SYT1: variants seen among roughly 807,000 people sequenced by gnomAD.
SYT1 encodes the protein synaptotagmin 1, also known as synaptotagmin-1.
SYT1 carries 8 observed loss-of-function variants against 44.8 expected under a neutral mutation model. The observed-to-expected ratio is 0.18, with a 90% CI of 0.10 to 0.32. The LOEUF is 0.32. SYT1 is among the 10% of genes least tolerant of loss of function. The pLI is 1.00. For missense variants in SYT1, 286 were observed against 509.3 expected (o/e 0.56, Z 4.22); for synonymous variants, 154 against 188.8 (o/e 0.82, Z 1.51).
chr12:79,215,867 A>G (rs930790573), intron 3 of SYT1, among the ~76,000 whole-genome samples: 1 of 148,954 alleles, frequency 6.7e-6, no homozygotes, highest in African/African-American at 2.5e-5. Flanking sequence ...TTGTACTTTC[A>G]CTAAATATGT....
intron 4 of SYT1, among the ~76,000 whole-genome samples, chr12:79,246,972 GT>G (rs1429650201): frequency 6.6e-6 from 1 of 152,194 alleles, no homozygotes; most frequent in Non-Finnish European, 1.5e-5. Flanking sequence ...TATTGGGGGT[GT>G]TAGATGGATA....
chr12:79,327,130 C>T (rs933644117), intron 8 of SYT1, among the ~76,000 whole-genome samples: 27 of 151,910 alleles, frequency 1.8e-4, no homozygotes, highest in African/African-American at 5.8e-4. Context: ...ATTTAGGCAA[C>T]ATCCCATAGT....
intron 2 of SYT1, among the ~76,000 whole-genome samples, chr12:78,984,891 C>A (rs1263492117): frequency 1.3e-5 from 2 of 151,736 alleles, no homozygotes; most frequent in Non-Finnish European, 2.9e-5. Flanking sequence ...AAAGAATTAA[C>A]AGGAAGGTGG....
intron 7 of SYT1, 108 bp from the exon 8 acceptor site, chr12:79,299,276 C>T: frequency 8.0e-7 from 1 of 1,243,964 alleles, no homozygotes. Flanking sequence ...AAAATTATCT[C>T]CCTGTTCTGT....
chr12:79,422,059 C>T (rs1399019774), intron 9 of SYT1, among the ~76,000 whole-genome samples: 5 of 152,050 alleles, frequency 3.3e-5, no homozygotes, highest in African/African-American at 4.8e-5. Flanking sequence ...AGCCATTCCT[C>T]GAGGCCGGTA....
intron 3 of SYT1, among the ~76,000 whole-genome samples, chr12:79,174,410 A>G (rs1284503697): frequency 1.2e-5 from 1 of 84,676 alleles, no homozygotes; most frequent in East Asian, 2.4e-4. Context: ...TCCTGTCCTT[A>G]TAGAAAAAAT....
At chr12:78,987,747 C>A (rs769271448) in intron 2 of SYT1, among the ~76,000 whole-genome samples, 2 of 152,026 alleles carry the variant, frequency 1.3e-5, no homozygotes, top group Admixed American at 6.6e-5. Flanking sequence ...GAATTTTACT[C>A]AACATTTAAA....
At chr12:79,138,853 T>C (rs977817902) in intron 3 of SYT1, among the ~76,000 whole-genome samples, 4 of 152,196 alleles carry the variant, frequency 2.6e-5, no homozygotes, top group African/African-American at 9.7e-5. Context: ...GAGGCAAGTG[T>C]GCCACTTGCC....
intron 1 of SYT1, among the ~76,000 whole-genome samples, chr12:78,886,438 G>T (rs1874756605): frequency 6.6e-6 from 1 of 151,968 alleles, no homozygotes; most frequent in Admixed American, 6.6e-5. Flanking sequence ...GATACCTACT[G>T]TGCTGAAGGC....
chr12:79,419,996 G>A (rs1869004704), intron 9 of SYT1, among the ~76,000 whole-genome samples: 1 of 152,068 alleles, frequency 6.6e-6, no homozygotes, highest in Non-Finnish European at 1.5e-5. Flanking sequence ...GGATGTATCT[G>A]TGTTGATTAA....
intron 3 of SYT1, among the ~76,000 whole-genome samples, chr12:79,189,864 A>C (rs1446777188): frequency 3.3e-5 from 5 of 152,208 alleles, no homozygotes; most frequent in Non-Finnish European, 7.3e-5. Context: ...AGATCGTGCC[A>C]CTGCACTCCA....
intron 1 of SYT1, among the ~76,000 whole-genome samples, chr12:78,929,634 A>G (rs1010428650): frequency 8.5e-5 from 13 of 152,074 alleles, no homozygotes; most frequent in African/African-American, 3.1e-4. Context: ...ATGTAATGGA[A>G]AGTTGTGGAG....
chr12:79,428,968 G>T (rs564986851), intron 9 of SYT1, among the ~76,000 whole-genome samples: 1 of 152,266 alleles, frequency 6.6e-6, no homozygotes, highest in African/African-American at 2.4e-5. Context: ...GTGCAAGAGA[G>T]AGAGTGGGAG....
chr12:78,903,875 A>G (rs1189517758), intron 1 of SYT1, among the ~76,000 whole-genome samples: 4 of 152,038 alleles, frequency 2.6e-5, no homozygotes, highest in Admixed American at 2.0e-4. Flanking sequence ...TTTTATAAAA[A>G]GAAATTTTTG....
Position 79,000,736 on chromosome 12 carries a change from T to A in SYT1, c.-84+22805T>A, listed in dbSNP as rs188558521. ...CCTTAGTCATTCATACACATTATTC[T>A]GGGGCCAAAGGGTTCCAATCAGTAT... On this transcript the variant is annotated intron_variant, in intron 2 of 10. Transcript: ENST00000261205. Among the ~76,000 whole-genome samples the A allele has an allele frequency of 1.4e-4, 21 of 152,296 alleles. No homozygotes were observed. The East Asian group carries it at 3.9e-3, about 28-fold the overall frequency.
chr12:78,982,034 TAGC>T (rs1488422924), intron 2 of SYT1, among the ~76,000 whole-genome samples: 1 of 152,126 alleles, frequency 6.6e-6, no homozygotes, highest in Non-Finnish European at 1.5e-5. Flanking sequence ...AAGGAGGTCT[TAGC>T]AGCCCTAAGC....
chr12:79,260,834 A>G (rs1013428758), intron 4 of SYT1, among the ~76,000 whole-genome samples: 1 of 152,122 alleles, frequency 6.6e-6, no homozygotes, highest in African/African-American at 2.4e-5. Context: ...TTGGGTCTCA[A>G]GCCATTCTGT....
chr12:79,088,200 A>C (rs1319673122), intron 3 of SYT1, among the ~76,000 whole-genome samples: 1 of 152,060 alleles, frequency 6.6e-6, no homozygotes, highest in Non-Finnish European at 1.5e-5. Context: ...ACTGGTTATT[A>C]ATTAGTTATT....
chr12:79,073,123 G>T (rs964458669), intron 3 of SYT1, among the ~76,000 whole-genome samples: 9 of 151,838 alleles, frequency 5.9e-5, no homozygotes, highest in African/African-American at 2.2e-4. Flanking sequence ...TTTAAAAAAA[G>T]ACAAGGTCTC....
Sources: allele counts gnomAD v4.1 joint callset (sites outside exome capture counted in the v4.1 genomes callset), GRCh38; gene constraint gnomAD v4.1.1; transcripts MANE v1.5; gene names NCBI Gene and HGNC (gene_info 2026-07-23, HGNC 2026-07-21).